RPL4: variants seen among roughly 807,000 people sequenced by gnomAD.
RPL4 encodes the protein ribosomal protein L4.
RPL4 carries 3 observed loss-of-function variants against 47.7 expected under a neutral mutation model. The ratio of observed to expected loss-of-function variants is 0.06; its 90% CI spans 0.03 to 0.16. The LOEUF is 0.16. Among genes scored for constraint, RPL4 ranks in the 10% least tolerant of loss-of-function variants. The pLI is 1.00. For missense variants in RPL4, 413 were observed against 551.3 expected (o/e 0.75, Z 2.51); for synonymous variants, 208 against 182.1 (o/e 1.14, Z -1.15).
At chr15:66,503,729 GAATT>G (rs1567035792) in intron 1 of RPL4, among the ~76,000 whole-genome samples, 200 bp from the exon 2 acceptor site, 1 of 151,800 alleles carries the variant, frequency 6.6e-6, no homozygotes, top group Non-Finnish European at 1.5e-5. Context: ...TTTTCAAAAA[GAATT>G]GTTTATCATA....
chr15:66,503,591 T>C, intron 1 of RPL4, 62 bp from the exon 2 acceptor site: 2 of 1,494,614 alleles, frequency 1.3e-6, no homozygotes, highest in South Asian at 2.6e-5. Context: ...ACTCTTCTCA[T>C]ACGCCAACAA....
chr15:66,502,927 A>G (rs1893651978), intron 3 of RPL4, 131 bp downstream of exon 3: 2 of 1,280,182 alleles, frequency 1.6e-6, no homozygotes, highest in Admixed American at 3.4e-5. Flanking sequence ...ATAACCCCAT[A>G]TAAATGAAGC....
Position 66,499,025 on chromosome 15 carries a change from GGTTAAA to G in RPL4, c.*376_*381del, listed in dbSNP as rs1346305018. 2 of 185,856 alleles carry G rather than the reference GGTTAAA, an allele frequency of 1.1e-5. No homozygotes were observed. Among genetic ancestry groups the G allele is most frequent in the East Asian group, 1.5e-4 (1 of 6,682 alleles). 11.5% of individuals were successfully genotyped at this position (185,856 alleles called of 1,614,324 possible). A position where few individuals can be genotyped will look rare whatever the true frequency, so the allele number is the denominator to read the frequency against. On this transcript the variant is annotated 3_prime_UTR_variant, in exon 10 of 10. Transcript: ENST00000307961. Reference sequence around the variant, plus strand: ...GTGCTCTCCAGTTGTGCCCTCTTGTGGTTAAAGTTAAATCTTTACAGAATTTAACCT... The same window carrying G: ...GTGCTCTCCAGTTGTGCCCTCTTGTGGTTAAATCTTTACAGAATTTAACCT...
rs73471764 is a variant in RPL4, at chr15:66,498,391, G to A, written c.*1016C>T. 3.9e-5 allele frequency: 6 copies of A among 152,210 alleles called. No individual in the cohort carries two copies. Among genetic ancestry groups the A allele is most frequent in the African/African-American group, 1.2e-4 (5 of 41,402 alleles). 9.4% of individuals were successfully genotyped at this position (152,210 alleles called of 1,614,324 possible). A position where few individuals can be genotyped will look rare whatever the true frequency, so the allele number is the denominator to read the frequency against. On this transcript the variant is annotated 3_prime_UTR_variant, in exon 10 of 10. Transcript: ENST00000307961. ...TGAACTGAGACTGTCTTGACAGTTC[G>A]AGACTGTCAGAGAGAAGCTGACAGT...
intron 4 of RPL4, 102 bp downstream of exon 4, chr15:66,502,510 G>A (rs1567035119): frequency 8.4e-7 from 1 of 1,196,574 alleles, no homozygotes; most frequent in Non-Finnish European, 1.2e-6. Flanking sequence ...TTCTCTTCTA[G>A]CCATCTTGAA....
Position 66,499,365 on chromosome 15 carries a change from C to A in RPL4, c.*42G>T. The A allele has an allele frequency of 6.3e-7, 1 of 1,575,890 alleles. No individual in the cohort carries two copies. On this transcript the variant is annotated 3_prime_UTR_variant, in exon 10 of 10. Transcript: ENST00000307961. ...CAGGTCTTTATTCAAAAGAAGCTGT[C>A]CAAAATGATTTGACCTTTATGGAAT...
In RPL4 at chr15:66,501,121, A is replaced by G. The variant is rs747635232; in HGVS notation, c.677-16T>C. On this transcript the variant is annotated splice_polypyrimidine_tract_variant and intron_variant, in intron 6 of 9. Coordinates refer to ENST00000307961, the MANE Select transcript of RPL4 (RefSeq NM_000968.4). ...AGAGTAATTCCTTTTAAAGGGAAAG[A>G]AAAATTAGGGAGCCTGTATTCCAAC... is the stretch of plus-strand genomic sequence containing the variant. The G allele has an allele frequency of 6.2e-6, 10 of 1,608,038 alleles. No individual in the cohort carries two copies. Among genetic ancestry groups the G allele is most frequent in the Non-Finnish European group, 8.5e-6 (10 of 1,178,318 alleles).
At chr15:66,500,024 AAAACAAAC>A in intron 9 of RPL4, 24 bp downstream of exon 9, 8 of 1,611,066 alleles carry the variant, frequency 5.0e-6, no homozygotes, top group Non-Finnish European at 6.8e-6. Flanking sequence ...TTCCGACTCA[AAAACAAAC>A]AAACAAACAA....
rs778069539 is a variant in RPL4, at chr15:66,499,357, G to T, written c.*50C>A. 15 of 1,561,494 alleles carry T rather than the reference G, an allele frequency of 9.6e-6. No homozygotes were observed. The African/African-American group carries it at 2.1e-4, about 22-fold the overall frequency. ...TGTATAATCAGGTCTTTATTCAAAA[G>T]AAGCTGTCCAAAATGATTTGACCTT... On this transcript the variant is annotated 3_prime_UTR_variant, in exon 10 of 10. Coordinates refer to ENST00000307961, the MANE Select transcript of RPL4 (RefSeq NM_000968.4).
chr15:66,504,745 C>T (rs1184308908), intron 1 of RPL4, 43 bp downstream of exon 1: 2 of 1,609,530 alleles, frequency 1.2e-6, no homozygotes, highest in South Asian at 1.1e-5. Context: ...CCTTACTGGC[C>T]CCGAGATACG....
chr15:66,500,036 C>T lies in RPL4; in HGVS notation c.1038+20G>A, dbSNP rs1159428925. 1 of 1,611,028 alleles carries T rather than the reference C, an allele frequency of 6.2e-7. No individual in the cohort carries two copies. The highest frequency in any genetic ancestry group is 8.5e-7 in the Non-Finnish European group (1 of 1,179,588). ...AGATTCCGACTCAAAAACAAACAAACAAACAAAAACTCCACTCACATTCCT... is the reference window on the plus strand; with the variant it reads ...AGATTCCGACTCAAAAACAAACAAATAAACAAAAACTCCACTCACATTCCT... On this transcript the variant is annotated intron_variant, in intron 9 of 9. Transcript: ENST00000307961.
rs768459099 is a variant in RPL4 at position 66,504,823 on chromosome 15, G to C, written c.-33C>G. 5 of 1,609,392 alleles carry C rather than the reference G, an allele frequency of 3.1e-6. No individual in the cohort carries two copies. The highest frequency in any genetic ancestry group is 2.5e-6 in the Non-Finnish European group (3 of 1,178,604). On this transcript the variant is annotated 5_prime_UTR_variant, in exon 1 of 10. Coordinates refer to ENST00000307961, the MANE Select transcript of RPL4 (RefSeq NM_000968.4). ...AGAGGAGACAGCCACGCTCCTCTCA[G>C]CCCGGCTGCTGCCACAGGAAAAGGA...
At position 66,499,028 on chromosome 15, in the gene RPL4, TAAAGTTAAATCTTTACAG is replaced by T. The variant is rs1210284090; in HGVS notation, c.*361_*378del. 1.1e-5 allele frequency: 2 copies of T among 186,416 alleles called. No homozygotes were observed. The highest frequency in any genetic ancestry group is 4.8e-5 in the African/African-American group (2 of 41,902). The allele number at this position is 186,416 out of a possible 1,614,324, so 11.5% of individuals were successfully genotyped here. A position where few individuals can be genotyped will look rare whatever the true frequency, so the allele number is the denominator to read the frequency against. On this transcript the variant is annotated 3_prime_UTR_variant, in exon 10 of 10. Coordinates refer to ENST00000307961, the MANE Select transcript of RPL4 (RefSeq NM_000968.4). ...CTCTCCAGTTGTGCCCTCTTGTGGT[TAAAGTTAAATCTTTACAG>T]AATTTAACCTATTTTCCATCTGGTG...
intron 5 of RPL4, 31 bp from the exon 6 acceptor site, chr15:66,501,535 TA>T: frequency 6.2e-7 from 1 of 1,612,588 alleles, no homozygotes; most frequent in South Asian, 1.1e-5. Context: ...GTATTCTGAT[TA>T]AGATAGAATC....
rs762735368 is a variant in RPL4, at chr15:66,500,281, G to A, written c.917+12C>T. The A allele has an allele frequency of 6.2e-7, 1 of 1,613,884 alleles. No individual in the cohort carries two copies. The highest frequency in any genetic ancestry group is 8.5e-7 in the Non-Finnish European group (1 of 1,179,788). On this transcript the variant is annotated intron_variant, in intron 8 of 9. Coordinates refer to ENST00000307961, the MANE Select transcript of RPL4 (RefSeq NM_000968.4). The stretch of plus-strand genomic sequence containing the variant: ...GGTTGGGGCGAGAATTACACTCTAA[G>A]TATCACTTTACCGTGGTGCTCGAAG...
rs1457742622 is a variant in RPL4, at chr15:66,498,358, C to T, written c.*1049G>A. The T allele has an allele frequency of 6.6e-6, 1 of 152,402 alleles. No individual in the cohort carries two copies. The highest frequency in any genetic ancestry group is 1.5e-5 in the Non-Finnish European group (1 of 68,160). The allele number at this position is 152,402 out of a possible 1,614,324, so 9.4% of individuals were successfully genotyped here. Reference sequence around the variant, plus strand: ...GAAATGGGGAGGGTTAACAGATCACCTTGGCTGTGAACTGAGACTGTCTTG... The same window carrying T: ...GAAATGGGGAGGGTTAACAGATCACTTTGGCTGTGAACTGAGACTGTCTTG... On this transcript the variant is annotated 3_prime_UTR_variant, in exon 10 of 10. Transcript: ENST00000307961.
Position 66,499,223 on chromosome 15 carries a change from TACC to T in RPL4, c.*181_*183del, listed in dbSNP as rs1353749629. ...TAGTATAAATCCATGCCCCATTTTA[TACC>T]ACACTATATAAAATGTAACAGTCTA... On this transcript the variant is annotated 3_prime_UTR_variant, in exon 10 of 10. Transcript: ENST00000307961. 1.5e-6 allele frequency: 1 copy of T among 668,034 alleles called. No homozygotes were observed. The highest frequency in any genetic ancestry group is 2.5e-6 in the Non-Finnish European group (1 of 398,506). 41.4% of individuals were successfully genotyped at this position (668,034 alleles called of 1,614,324 possible). A position where few individuals can be genotyped will look rare whatever the true frequency, so the allele number is the denominator to read the frequency against.
chr15:66,499,860 T>C, intron 9 of RPL4, 196 bp downstream of exon 9: 1 of 923,824 alleles, frequency 1.1e-6, no homozygotes, highest in Non-Finnish European at 1.6e-6. Context: ...CCGTCTCTAC[T>C]GAAAATACAA....
rs1893521400 is a variant in RPL4, at chr15:66,498,409, C to T, written c.*998G>A. 1.3e-5 allele frequency: 2 copies of T among 152,176 alleles called. No homozygotes were observed. Among genetic ancestry groups the T allele is most frequent in the Admixed American group, 6.5e-5 (1 of 15,280 alleles). The allele number at this position is 152,176 out of a possible 1,614,324, so 9.4% of individuals were successfully genotyped here. A position where few individuals can be genotyped will look rare whatever the true frequency, so the allele number is the denominator to read the frequency against. On this transcript the variant is annotated 3_prime_UTR_variant, in exon 10 of 10. Coordinates refer to ENST00000307961, the MANE Select transcript of RPL4 (RefSeq NM_000968.4). The stretch of plus-strand genomic sequence containing the variant: ...ACAGTTCGAGACTGTCAGAGAGAAG[C>T]TGACAGTTTAACAATCCAGATGCAA...
Sources: gnomAD v4.1 joint callset for allele counts (sites outside exome capture counted in the v4.1 genomes callset) on GRCh38, gnomAD v4.1.1 for gene constraint, MANE v1.5 for transcripts, NCBI Gene and HGNC (gene_info 2026-07-23, HGNC 2026-07-21) for gene names.